Variants in PPP2R2B observed in about 807,000 individuals in gnomAD.
PPP2R2B encodes the protein serine/threonine-protein phosphatase 2A 55 kDa regulatory subunit B beta isoform.
PPP2R2B carries 5 observed loss-of-function variants against 46.0 expected under a neutral mutation model. The observed-to-expected ratio is 0.11, with a 90% confidence interval of 0.06 to 0.23. The LOEUF (loss-of-function observed/expected upper bound fraction) is 0.23, where lower values mean the gene tolerates loss of function less well. PPP2R2B is among the 10% of genes least tolerant of loss of function. The pLI, the probability that PPP2R2B is intolerant of heterozygous loss-of-function variation, is 1.00. For missense variants in PPP2R2B, 367 were observed against 575.0 expected (o/e 0.64, Z 3.70); for synonymous variants, 215 against 206.7 (o/e 1.04, Z -0.34).
chr5:146,968,803 A>G (rs1386687637), intron 1 of PPP2R2B, among the ~76,000 whole-genome samples: 1 of 152,246 alleles, frequency 6.6e-6, no homozygotes, highest in Non-Finnish European at 1.5e-5. Flanking sequence ...TTTTGCCACT[A>G]AGCATGGAGT....
At chr5:146,903,141 G>A (rs1325028612) in intron 1 of PPP2R2B, among the ~76,000 whole-genome samples, 2 of 151,916 alleles carry the variant, frequency 1.3e-5, no homozygotes, top group African/African-American at 2.4e-5. Context: ...TATTTTGGGG[G>A]ATATATATAG....
At chr5:147,056,223 A>G (rs1580866083), upstream of PPP2R2B, 1 of 730,708 alleles carries the variant, frequency 1.4e-6, no homozygotes, top group African/African-American at 1.9e-5. Context: ...CCCTGGAGAG[A>G]GATGGCTGTT....
At chr5:146,737,877 T>C (rs1752632852) in intron 2 of PPP2R2B, among the ~76,000 whole-genome samples, 1 of 151,728 alleles carries the variant, frequency 6.6e-6, no homozygotes, top group South Asian at 2.1e-4. Flanking sequence ...GAGGTGGACA[T>C]TGCAGTGAGC....
At chr5:146,709,469 T>TA (rs1424425145) in intron 2 of PPP2R2B, among the ~76,000 whole-genome samples, 2 of 152,178 alleles carry the variant, frequency 1.3e-5, no homozygotes, top group African/African-American at 4.8e-5. Flanking sequence ...CCCTTGTGGC[T>TA]AGGGGTAATT....
chr5:146,667,786 C>T (rs1474112283), intron 5 of PPP2R2B, among the ~76,000 whole-genome samples: 3 of 152,130 alleles, frequency 2.0e-5, no homozygotes, highest in Non-Finnish European at 4.4e-5. Context: ...GCCCTTTCTC[C>T]TCTTTTTACC....
At chr5:146,909,082 A>G (rs940246025) in intron 1 of PPP2R2B, among the ~76,000 whole-genome samples, 1 of 152,222 alleles carries the variant, frequency 6.6e-6, no homozygotes, top group Non-Finnish European at 1.5e-5. Context: ...TTTCCCCTGC[A>G]GCTAAGAGAG....
chr5:146,738,395 C>CA (rs58520511), intron 2 of PPP2R2B, among the ~76,000 whole-genome samples: 9,285 of 85,272 alleles, frequency 0.11, 515 homozygotes, highest in Non-Finnish European at 0.13. Context: ...GACTCAGTCT[C>CA]AAAAAAAAAA....
intron 1 of PPP2R2B, among the ~76,000 whole-genome samples, chr5:146,989,181 G>C (rs980359145): frequency 7.9e-5 from 12 of 151,952 alleles, no homozygotes; most frequent in African/African-American, 2.9e-4. Context: ...ATTTAAAGAA[G>C]AACAAATATC....
intron 2 of PPP2R2B, chr5:146,856,644 T>C: frequency 8.2e-7 from 1 of 1,219,854 alleles, no homozygotes; most frequent in Non-Finnish European, 1.2e-6. Flanking sequence ...CAACTTTTGG[T>C]AACATACAGG....
intron 6 of PPP2R2B, among the ~76,000 whole-genome samples, chr5:146,638,667 C>T (rs950888695): frequency 6.6e-6 from 1 of 152,138 alleles, no homozygotes; most frequent in African/African-American, 2.4e-5. Flanking sequence ...GTTTTATCCT[C>T]TATAAACATG....
chr5:146,928,305 C>T lies in PPP2R2B; in HGVS notation c.79+127360G>A, dbSNP rs1050915972. Among the ~76,000 whole-genome samples, 8 of 151,980 alleles carry T rather than the reference C, an allele frequency of 5.3e-5. No homozygotes were observed. The South Asian group carries it at 1.7e-3, about 32-fold the overall frequency. On this transcript the variant is annotated intron_variant, in intron 1 of 8. Coordinates refer to the PPP2R2B transcript ENST00000336640. ...ATTTTTTTAGATCAGATCTCTCCCC[C>T]AAACTCCAACTCTCTACATGCCATC...
intron 5 of PPP2R2B, among the ~76,000 whole-genome samples, chr5:146,667,325 TGC>T (rs748404166): frequency 0.17 from 7,092 of 42,852 alleles, 227 homozygotes; most frequent in Non-Finnish European, 0.23. Context: ...GGAATAGGCG[TGC>T]GCGCGCACAC....
At chr5:146,852,308 CT>C (rs1760396366) in intron 2 of PPP2R2B, among the ~76,000 whole-genome samples, 1 of 152,128 alleles carries the variant, frequency 6.6e-6, no homozygotes, top group African/African-American at 2.4e-5. Flanking sequence ...ACAAAGCCCT[CT>C]GTTTACACTC....
intron 5 of PPP2R2B, among the ~76,000 whole-genome samples, chr5:146,682,372 G>T (rs911949903): frequency 1.3e-5 from 2 of 152,052 alleles, no homozygotes; most frequent in African/African-American, 4.8e-5. Flanking sequence ...GAGGAGAAAG[G>T]GATTAACATA....
intron 2 of PPP2R2B, among the ~76,000 whole-genome samples, chr5:146,805,337 C>T (rs1339606211): frequency 6.6e-6 from 1 of 152,186 alleles, no homozygotes; most frequent in Admixed American, 6.5e-5. Context: ...ACCCCTCCCC[C>T]CAACTCTTGG....
Position 146,750,121 on chromosome 5 carries a change from G to T in PPP2R2B, c.71-48979C>A, listed in dbSNP as rs988909297. On this transcript the variant is annotated intron_variant, in intron 2 of 9. Transcript: ENST00000394411. Reference sequence around the variant, plus strand: ...GAGTTGAACATATTTGTGTGGGTTTGTTTTTGGATTCTTTATTCTGTTCAT... The same window carrying T: ...GAGTTGAACATATTTGTGTGGGTTTTTTTTTGGATTCTTTATTCTGTTCAT... Among the ~76,000 whole-genome samples the T allele has an allele frequency of 1.1e-4, 17 of 152,132 alleles. 1 individual carries two copies. The highest frequency in any genetic ancestry group is 9.8e-4 in the Admixed American group (15 of 15,270).
At chr5:146,900,171 A>C (rs1449689608) in intron 1 of PPP2R2B, among the ~76,000 whole-genome samples, 1 of 152,186 alleles carries the variant, frequency 6.6e-6, no homozygotes, top group Non-Finnish European at 1.5e-5. Context: ...CTTTAAAGGA[A>C]GTATTATTTT....
intron 1 of PPP2R2B, among the ~76,000 whole-genome samples, chr5:146,890,320 G>A (rs533866738): frequency 8.5e-5 from 13 of 152,320 alleles, no homozygotes; most frequent in South Asian, 2.1e-4. Flanking sequence ...CCTGAGCCAC[G>A]GCTGTAGAGG....
intron 1 of PPP2R2B, among the ~76,000 whole-genome samples, chr5:147,049,958 A>G (rs1561599626): frequency 1.3e-5 from 2 of 152,252 alleles, no homozygotes; most frequent in South Asian, 4.1e-4. Context: ...GGCTCATGAG[A>G]TCAGTGTTTA....
Sources: allele counts gnomAD v4.1 joint callset (sites outside exome capture counted in the v4.1 genomes callset), GRCh38; gene constraint gnomAD v4.1.1; transcripts MANE v1.5; gene names NCBI Gene and HGNC (gene_info 2026-07-23, HGNC 2026-07-21).